The following MYLK4 variants were observed in gnomAD, a reference collection of about 807,000 sequenced individuals.
The protein encoded by MYLK4 is myosin light chain kinase family member 4.
MYLK4 carries 46 observed loss-of-function variants against 48.1 expected under a neutral mutation model. The ratio of observed to expected loss-of-function variants is 0.96; its 90% CI spans 0.75 to 1.22. The LOEUF is 1.22. Ranked by LOEUF, MYLK4 falls within the 50% of genes most tolerant of loss-of-function variation. The probability of loss-of-function intolerance (pLI) is 0.00; values close to 1 mark genes in which losing one functional copy is unlikely to be tolerated. For synonymous variants in MYLK4, 170 were observed against 180.8 expected, an observed-to-expected ratio of 0.94 and a Z score of 0.48; for missense variants, 451 against 486.1, an observed-to-expected ratio of 0.93 and a Z score of 0.68.
chr6:2,752,365 C>T (rs1764314664), upstream of MYLK4, among the ~76,000 whole-genome samples: 1 of 152,060 alleles, frequency 6.6e-6, no homozygotes, highest in Non-Finnish European at 1.5e-5. Context: ...TTATTATTAA[C>T]TAAACTCAAT....
chr6:2,693,995 T>G (rs6933711), intron 2 of MYLK4, among the ~76,000 whole-genome samples: 79,476 of 151,934 alleles, frequency 0.52, 21,174 homozygotes, highest in Non-Finnish European at 0.55. Flanking sequence ...CTGACCTCAG[T>G]TGATCCGCCT....
At chr6:2,689,757 GAATACA>G (rs1459853713) in intron 3 of MYLK4, among the ~76,000 whole-genome samples, 1 of 152,222 alleles carries the variant, frequency 6.6e-6, no homozygotes, top group Non-Finnish European at 1.5e-5. Flanking sequence ...CATACAATAA[GAATACA>G]AAGGGAGGTA....
chr6:2,752,152 G>A (rs1458152465), upstream of MYLK4, among the ~76,000 whole-genome samples: 2 of 152,130 alleles, frequency 1.3e-5, no homozygotes, highest in Non-Finnish European at 2.9e-5. Context: ...CCAACCACAG[G>A]CTTGAGTGAG....
chr6:2,680,678 T>C, intron 7 of MYLK4: 1 of 668,502 alleles, frequency 1.5e-6, no homozygotes, highest in Non-Finnish European at 1.9e-6. Flanking sequence ...AGAAATATTT[T>C]TCCCAAGATT....
At position 2,678,108 on chromosome 6, in the gene MYLK4, T is replaced by C. The variant is rs904064778; in HGVS notation, c.1040+112A>G. ...TCAAACCTCATTCTATCCATGACTT[T>C]GCGCAAGCATCACAGATGTTAGTAA... is the stretch of plus-strand genomic sequence containing the variant. On this transcript the variant is annotated intron_variant, in intron 10 of 12. Transcript: ENST00000274643. 2.2e-6 allele frequency: 3 copies of C among 1,346,192 alleles called. No homozygotes were observed. The African/African-American group carries it at 4.4e-5, about 20-fold the overall frequency. The allele number at this position is 1,346,192 out of a possible 1,614,324, so 83.4% of individuals were successfully genotyped here.
At chr6:2,766,487 C>A in the MYLK4 span, 1 of 1,458,650 alleles carries the variant, frequency 6.9e-7, no homozygotes, top group Non-Finnish European at 9.2e-7. Context: ...GTTATCTCGG[C>A]GGTGGATGCA....
upstream of MYLK4, among the ~76,000 whole-genome samples, chr6:2,755,602 C>T (rs540809472): frequency 1.7e-3 from 260 of 152,192 alleles, no homozygotes; most frequent in African/African-American, 6.0e-3. Context: ...AGTGCAGTGG[C>T]GTGAACACAG....
At position 2,683,662 on chromosome 6, in the gene MYLK4, A is replaced by C. The variant is rs970440175; in HGVS notation, c.546-500T>G. 1.3e-3 allele frequency among the ~76,000 whole-genome samples: 192 copies of C among 152,222 alleles called. 1 individual carries two copies. The highest frequency in any genetic ancestry group is 1.8e-3 in the Non-Finnish European group (119 of 67,996). On this transcript the variant is annotated intron_variant, in intron 6 of 12. Coordinates refer to ENST00000274643, the MANE Select transcript of MYLK4 (RefSeq NM_001012418.5). Reference sequence around the variant, plus strand: ...TCGAACTCCTGACCCCAAGTGATCCACCAGCCTCGGCCTCCCAAAGTGCTG... The same window carrying C: ...TCGAACTCCTGACCCCAAGTGATCCCCCAGCCTCGGCCTCCCAAAGTGCTG...
At chr6:2,726,997 C>T (rs929247318) in intron 2 of MYLK4, among the ~76,000 whole-genome samples, 3 of 152,166 alleles carry the variant, frequency 2.0e-5, no homozygotes, top group African/African-American at 7.2e-5. Flanking sequence ...TATCTCACAG[C>T]GGGAGAGATC....
At chr6:2,680,692 G>A in intron 7 of MYLK4, 1 of 539,004 alleles carries the variant, frequency 1.9e-6, no homozygotes, top group Non-Finnish European at 2.4e-6. Context: ...CAAGATTGAT[G>A]AGTTCCAAGG....
chr6:2,761,466 A>G, the MYLK4 span, among the ~76,000 whole-genome samples: 1 of 152,186 alleles, frequency 6.6e-6, no homozygotes, highest in Admixed American at 6.5e-5. Context: ...TTATTTTTCT[A>G]CCATCACCAC....
intron 2 of MYLK4, among the ~76,000 whole-genome samples, chr6:2,706,290 T>C (rs1297555741): frequency 6.6e-6 from 1 of 152,172 alleles, no homozygotes; most frequent in Non-Finnish European, 1.5e-5. Flanking sequence ...TAAGAATTAA[T>C]TTATGTTTTG....
intron 10 of MYLK4, among the ~76,000 whole-genome samples, chr6:2,676,217 T>C (rs1169325035): frequency 6.6e-6 from 1 of 152,218 alleles, no homozygotes; most frequent in African/African-American, 2.4e-5. Flanking sequence ...ATTGCTTCAA[T>C]GCAATCGCTT....
intron 2 of MYLK4, among the ~76,000 whole-genome samples, chr6:2,733,959 C>T (rs762507559): frequency 1.3e-5 from 2 of 152,070 alleles, no homozygotes; most frequent in Admixed American, 6.6e-5. Flanking sequence ...TAAATGTCAG[C>T]GCATCCCAAA....
intron 2 of MYLK4, among the ~76,000 whole-genome samples, chr6:2,693,210 T>C (rs976108873): frequency 1.3e-5 from 2 of 152,322 alleles, no homozygotes; most frequent in Admixed American, 1.3e-4. Context: ...TAGACTACAG[T>C]ATCTGAAATG....
chr6:2,728,280 T>A (rs557261605), intron 2 of MYLK4, among the ~76,000 whole-genome samples: 2 of 152,318 alleles, frequency 1.3e-5, no homozygotes, highest in East Asian at 3.9e-4. Context: ...TTTTCGTATG[T>A]AAGACACAGG....
At position 2,679,297 on chromosome 6, in the gene MYLK4, C is replaced by T; in HGVS notation, c.870G>A (p.Gly290=). The T allele has an allele frequency of 6.2e-7, 1 of 1,613,990 alleles. No homozygotes were observed. Among genetic ancestry groups the T allele is most frequent in the Non-Finnish European group, 8.5e-7 (1 of 1,179,988 alleles). ...CTACTCACAGCATATAGGCGATGAC[C>T]CCCACACTCCACATGTCAGTGGGAA... ...VSFPTDMWSV[G]VIAYMLLSGL... is the part of the protein sequence containing the mutation. Residue 290 remains glycine (G), a synonymous_variant, in exon 9 of 13, where the codon GGG becomes GGA. Coordinates refer to ENST00000274643, the MANE Select transcript of MYLK4 (RefSeq NM_001012418.5).
At chr6:2,737,543 C>A (rs893680690) in intron 2 of MYLK4, among the ~76,000 whole-genome samples, 1 of 152,012 alleles carries the variant, frequency 6.6e-6, no homozygotes, top group African/African-American at 2.4e-5. Flanking sequence ...TGCAGTCATA[C>A]CAGTAGGAAT....
intron 2 of MYLK4, among the ~76,000 whole-genome samples, chr6:2,725,728 A>G (rs148773994): frequency 6.6e-6 from 1 of 152,360 alleles, no homozygotes; most frequent in African/African-American, 2.4e-5. Flanking sequence ...TCTTTTAACT[A>G]TCGATAGGCA....
Sources: allele counts gnomAD v4.1 joint callset (sites outside exome capture counted in the v4.1 genomes callset), GRCh38; gene constraint gnomAD v4.1.1; transcripts MANE v1.5; gene names NCBI Gene and HGNC (gene_info 2026-07-23, HGNC 2026-07-21).